The following THSD4 variants were observed in gnomAD, a reference collection of about 807,000 sequenced individuals.
THSD4 encodes thrombospondin type-1 domain-containing protein 4.
In THSD4, 69 loss-of-function variants were observed where a neutral mutation model predicts 119.0. The ratio of observed to expected loss-of-function variants is 0.58; its 90% CI spans 0.48 to 0.71. THSD4 has a LOEUF of 0.71. Among genes scored for constraint, THSD4 ranks in the 30% least tolerant of loss-of-function variants. THSD4 has a pLI of 0.00. For synonymous variants in THSD4, 524 were observed against 540.4 expected, an observed-to-expected ratio of 0.97 and a Z score of 0.42; for missense variants, 1,393 against 1,391.1, an observed-to-expected ratio of 1.00 and a Z score of -0.02.
intron 7 of THSD4, among the ~76,000 whole-genome samples, chr15:71,496,222 G>A (rs1410301106): frequency 6.6e-6 from 1 of 152,176 alleles, no homozygotes; most frequent in Non-Finnish European, 1.5e-5. Context: ...GCTTTTGCAT[G>A]CTAATGTTTC....
intron 6 of THSD4, among the ~76,000 whole-genome samples, chr15:71,380,115 G>A (rs542644909): frequency 6.6e-6 from 1 of 152,100 alleles, no homozygotes; most frequent in African/African-American, 2.4e-5. Context: ...CCAAAGTTAG[G>A]TTTTCATTTT....
chr15:71,594,105 C>T (rs1483046771), intron 7 of THSD4, among the ~76,000 whole-genome samples: 1 of 152,032 alleles, frequency 6.6e-6, no homozygotes, highest in Non-Finnish European at 1.5e-5. Context: ...TGGGGGTTGC[C>T]TTTTCCTGCC....
At chr15:71,215,503 C>T (rs2043925401) in intron 4 of THSD4, 104 bp downstream of exon 4, 1 of 1,175,852 alleles carries the variant, frequency 8.5e-7, no homozygotes, top group Non-Finnish European at 1.1e-6. Context: ...GACAGTGCGA[C>T]TAATGCATTG....
At chr15:71,755,991 G>T (rs2053532132) in intron 14 of THSD4, among the ~76,000 whole-genome samples, 1 of 152,212 alleles carries the variant, frequency 6.6e-6, no homozygotes, top group Non-Finnish European at 1.5e-5. Flanking sequence ...GCCACTCTGA[G>T]TCTGTCCAGA....
chr15:71,341,890 G>A (rs980680289), intron 6 of THSD4, among the ~76,000 whole-genome samples: 3 of 151,414 alleles, frequency 2.0e-5, no homozygotes, highest in Non-Finnish European at 2.9e-5. Context: ...ATGCTCTAAC[G>A]ATTTTTTTTT....
chr15:71,328,669 A>G (rs1253591767), intron 6 of THSD4, among the ~76,000 whole-genome samples: 1 of 152,180 alleles, frequency 6.6e-6, no homozygotes, highest in Non-Finnish European at 1.5e-5. Context: ...GAAAAAGTCC[A>G]CTTTCCATGG....
intron 7 of THSD4, among the ~76,000 whole-genome samples, chr15:71,446,881 T>C (rs2047189382): frequency 6.6e-6 from 1 of 152,130 alleles, no homozygotes; most frequent in African/African-American, 2.4e-5. Context: ...CAGGGACATG[T>C]TTCTAGAAGC....
chr15:71,214,910 T>G (rs547495660), intron 3 of THSD4, 125 bp from the exon 4 acceptor site: 2 of 1,195,956 alleles, frequency 1.7e-6, no homozygotes, highest in Non-Finnish European at 2.1e-6. Flanking sequence ...TGGATTGTAT[T>G]AATACTTATC....
chr15:71,715,261 C>T (rs752318941), intron 8 of THSD4, among the ~76,000 whole-genome samples: 1 of 152,168 alleles, frequency 6.6e-6, no homozygotes, highest in Non-Finnish European at 1.5e-5. Context: ...AGGTTAACTA[C>T]TTCTGCCATT....
intron 7 of THSD4, among the ~76,000 whole-genome samples, chr15:71,443,735 C>T (rs370970235): frequency 5.3e-5 from 8 of 152,192 alleles, no homozygotes; most frequent in African/African-American, 1.9e-4. Flanking sequence ...ATGTTCAAAG[C>T]TGTATCCTGA....
rs544707218 is a variant in THSD4, at chr15:71,224,043, G to A, written c.464+8644G>A. Among the ~76,000 whole-genome samples the A allele has an allele frequency of 2.9e-4, 44 of 152,246 alleles. 1 individual carries two copies. The South Asian group carries it at 7.7e-3, about 27-fold the overall frequency. Reference sequence around the variant, plus strand: ...CCCAGGGAGGAGAGGGGAAGACAACGGAGAACTGGAGGAGCCAGGGAAGGC... The same window carrying A: ...CCCAGGGAGGAGAGGGGAAGACAACAGAGAACTGGAGGAGCCAGGGAAGGC... On this transcript the variant is annotated intron_variant, in intron 4 of 17. Coordinates refer to ENST00000261862, the MANE Select transcript of THSD4 (RefSeq NM_024817.3).
intron 7 of THSD4, among the ~76,000 whole-genome samples, chr15:71,421,538 T>A (rs1269391554): frequency 6.6e-6 from 1 of 152,230 alleles, no homozygotes; most frequent in Admixed American, 6.5e-5. Flanking sequence ...TGCTGCCAGA[T>A]GTAATGGCGC....
intron 7 of THSD4, among the ~76,000 whole-genome samples, chr15:71,609,960 T>C (rs1378846777): frequency 1.3e-5 from 2 of 152,224 alleles, no homozygotes; most frequent in East Asian, 3.9e-4. Context: ...TGCTCGGGCA[T>C]GCTTGGGGCC....
At chr15:71,270,819 G>GTGGTGAGTGAGTA in intron 6 of THSD4, among the ~76,000 whole-genome samples, 1 of 150,872 alleles carries the variant, frequency 6.6e-6, no homozygotes, top group Non-Finnish European at 1.5e-5. Context: ...GAGTGGTCAG[G>GTGGTGAGTGAGTA]TAGCCATCTC....
intron 6 of THSD4, among the ~76,000 whole-genome samples, chr15:71,338,397 A>G (rs1268611166): frequency 6.6e-6 from 1 of 151,902 alleles, no homozygotes; most frequent in East Asian, 1.9e-4. Flanking sequence ...ACTTATAGAT[A>G]TCAGGGAGGT....
intron 6 of THSD4, chr15:71,341,295 T>C (rs1415834975): frequency 1.2e-6 from 2 of 1,600,046 alleles, no homozygotes; most frequent in South Asian, 2.2e-5. Flanking sequence ...GGAGAGCTCA[T>C]GTATGGGTTA....
chr15:71,666,767 A>G (rs1170780146), intron 8 of THSD4, among the ~76,000 whole-genome samples: 2 of 152,204 alleles, frequency 1.3e-5, no homozygotes, highest in Non-Finnish European at 2.9e-5. Context: ...TATTCCAGAA[A>G]CCTTGGCTGA....
intron 7 of THSD4, among the ~76,000 whole-genome samples, chr15:71,510,480 G>A (rs779815765): frequency 1.6e-4 from 24 of 152,194 alleles, no homozygotes; most frequent in African/African-American, 2.4e-5. Flanking sequence ...TTGAATAGGA[G>A]AAACAGGCTG....
At chr15:71,527,371 G>A (rs146438639) in intron 7 of THSD4, among the ~76,000 whole-genome samples, 16 of 152,330 alleles carry the variant, frequency 1.1e-4, no homozygotes, top group Admixed American at 6.5e-4. Flanking sequence ...AAAAAGGCTT[G>A]TGGTCAGGGC....
Sources: gnomAD v4.1 joint callset for allele counts (sites outside exome capture counted in the v4.1 genomes callset) on GRCh38, gnomAD v4.1.1 for gene constraint, MANE v1.5 for transcripts, NCBI Gene and HGNC (gene_info 2026-07-23, HGNC 2026-07-21) for gene names.